SCAI: variants seen among roughly 807,000 people sequenced by gnomAD.
The protein encoded by SCAI is suppressor of cancer cell invasion, also known as protein SCAI.
A neutral mutation model predicts 92.2 loss-of-function variants in SCAI; 24 were observed. The ratio of observed to expected loss-of-function variants is 0.26; its 90% CI spans 0.19 to 0.37. SCAI has a LOEUF of 0.37. Ranked by LOEUF, SCAI falls within the 10% of genes least tolerant of loss-of-function variation. SCAI has a pLI of 1.00. For missense variants in SCAI, 450 were observed against 736.2 expected (o/e 0.61, Z 4.50); for synonymous variants, 261 against 258.6 (o/e 1.01, Z -0.09).
rs572939546 is a variant in SCAI, at chr9:124,948,360, C to G, written c.*4447G>C. The G allele has an allele frequency of 6.6e-6, 1 of 152,288 alleles. No homozygotes were observed. The highest frequency in any genetic ancestry group is 2.4e-5 in the African/African-American group (1 of 41,546). 9.4% of individuals were successfully genotyped at this position (152,288 alleles called of 1,614,324 possible). ...TGCTTTGAAAGGTTTGAGAGCACCA[C>G]TTTCTAAGAGAAACACACACATGCA... is the stretch of plus-strand genomic sequence containing the variant. On this transcript the variant is annotated 3_prime_UTR_variant, in exon 18 of 18. Transcript: ENST00000336505.
At chr9:125,003,796 T>C (rs1832414799) in intron 9 of SCAI, 1 of 488,334 alleles carries the variant, frequency 2.0e-6, no homozygotes. Context: ...GCATTTTTTA[T>C]ATTTGCTTTT....
chr9:125,044,231 A>C (rs1170299193), intron 3 of SCAI, among the ~76,000 whole-genome samples: 2 of 152,114 alleles, frequency 1.3e-5, no homozygotes, highest in African/African-American at 4.8e-5. Context: ...GTTCTGGTTG[A>C]AGTCCATGGC....
intron 14 of SCAI, among the ~76,000 whole-genome samples, chr9:124,988,035 AAC>A (rs144782993): frequency 0.035 from 5,258 of 149,398 alleles, 200 homozygotes; most frequent in Admixed American, 0.094. Context: ...TGTATCTATA[AAC>A]ACACACACAC....
intron 2 of SCAI, among the ~76,000 whole-genome samples, chr9:125,093,303 G>A (rs1834477718): frequency 6.6e-6 from 1 of 152,082 alleles, no homozygotes; most frequent in South Asian, 2.1e-4. Context: ...GAAGGCTGCA[G>A]TGAGCCAAGA....
Position 124,943,934 on chromosome 9 carries a change from T to C in SCAI, c.*8873A>G, listed in dbSNP as rs1342309761. The C allele has an allele frequency of 1.3e-5, 2 of 152,234 alleles. No homozygotes were observed. The highest frequency in any genetic ancestry group is 4.8e-5 in the African/African-American group (2 of 41,464). The allele number at this position is 152,234 out of a possible 1,614,324, so 9.4% of individuals were successfully genotyped here. A position where few individuals can be genotyped will look rare whatever the true frequency, so the allele number is the denominator to read the frequency against. ...CAATGATTAATGAAATCACTATTTA[T>C]ACTGGTGCTACACAACGAAGATAAC... On this transcript the variant is annotated 3_prime_UTR_variant, in exon 18 of 18. Transcript: ENST00000336505.
intron 2 of SCAI, among the ~76,000 whole-genome samples, chr9:125,138,549 G>A (rs1276533811): frequency 6.6e-6 from 1 of 152,034 alleles, no homozygotes. Flanking sequence ...TGAGTAGCTG[G>A]GACTACAGGC....
chr9:125,017,811 C>G (rs1832791665), intron 9 of SCAI, among the ~76,000 whole-genome samples: 1 of 151,948 alleles, frequency 6.6e-6, no homozygotes, highest in Non-Finnish European at 1.5e-5. Flanking sequence ...GAGTTCAAGA[C>G]CAGCCTGGCC....
intron 2 of SCAI, among the ~76,000 whole-genome samples, chr9:125,121,127 T>A (rs899187094): frequency 6.6e-6 from 1 of 151,708 alleles, no homozygotes; most frequent in East Asian, 1.9e-4. Flanking sequence ...ATTGTGCAAA[T>A]TTGTATTCAT....
intron 17 of SCAI, among the ~76,000 whole-genome samples, chr9:124,966,828 ATC>A (rs1160471903): frequency 6.7e-6 from 1 of 150,124 alleles, no homozygotes; most frequent in African/African-American, 2.5e-5. Flanking sequence ...GCCCAGGCTG[ATC>A]TCCAATTCCT....
At position 124,952,964 on chromosome 9, in the gene SCAI, A is replaced by G. The variant is rs1564354877; in HGVS notation, c.1675-11T>C. On this transcript the variant is annotated splice_polypyrimidine_tract_variant and intron_variant, in intron 17 of 17. Transcript: ENST00000336505. The stretch of plus-strand genomic sequence containing the variant: ...ATAATTTCGTGTTTCCTGGTAGGCA[A>G]AGAAGAGAAAAGTCAAGTTTTGTAG... The G allele has an allele frequency of 1.2e-6, 2 of 1,612,464 alleles. No individual in the cohort carries two copies. The highest frequency in any genetic ancestry group is 4.5e-5 in the East Asian group (2 of 44,820).
chr9:124,997,666 A>C (rs1228419147), intron 13 of SCAI, among the ~76,000 whole-genome samples: 1 of 152,084 alleles, frequency 6.6e-6, no homozygotes, highest in East Asian at 1.9e-4. Flanking sequence ...ACTTGAGGTC[A>C]GCATTTCAAG....
intron 2 of SCAI, among the ~76,000 whole-genome samples, chr9:125,057,990 T>A (rs776131987): frequency 4.6e-5 from 7 of 151,690 alleles, no homozygotes; most frequent in Non-Finnish European, 1.0e-4. Flanking sequence ...CCTCAGATAC[T>A]CAGGAGGCTG....
intron 2 of SCAI, among the ~76,000 whole-genome samples, chr9:125,126,589 T>TGTGTGTGTGA (rs10680873): frequency 4.0e-4 from 57 of 143,246 alleles, no homozygotes; most frequent in East Asian, 1.7e-3. Context: ...TGTGTGTGTG[T>TGTGTGTGTGA]GAGAGAGAGA....
chr9:125,007,110 C>T (rs1184627252), intron 9 of SCAI, among the ~76,000 whole-genome samples: 1 of 151,998 alleles, frequency 6.6e-6, no homozygotes. Context: ...CAGAGCAAGA[C>T]TGTCTCAAAA....
intron 17 of SCAI, among the ~76,000 whole-genome samples, chr9:124,954,405 G>A (rs1297485495): frequency 6.6e-6 from 1 of 152,154 alleles, no homozygotes; most frequent in Non-Finnish European, 1.5e-5. Flanking sequence ...TACAGTTAAA[G>A]CAATGCTTAA....
chr9:124,965,221 A>G (rs1278999584), intron 17 of SCAI, among the ~76,000 whole-genome samples: 1 of 151,960 alleles, frequency 6.6e-6, no homozygotes, highest in Non-Finnish European at 1.5e-5. Flanking sequence ...AAATCATAAT[A>G]TATGTCTTTT....
chr9:124,954,008 G>A (rs1379123614), intron 17 of SCAI, among the ~76,000 whole-genome samples: 5 of 152,154 alleles, frequency 3.3e-5, no homozygotes, highest in African/African-American at 7.2e-5. Flanking sequence ...ACAACCATGC[G>A]CAGCTAATTT....
chr9:125,127,604 G>A (rs1835304413), intron 2 of SCAI, among the ~76,000 whole-genome samples: 1 of 152,110 alleles, frequency 6.6e-6, no homozygotes, highest in Non-Finnish European at 1.5e-5. Flanking sequence ...ATTTCATGAG[G>A]TAAGATTCAT....
At chr9:125,102,703 T>C (rs1287686852) in intron 2 of SCAI, among the ~76,000 whole-genome samples, 1 of 152,098 alleles carries the variant, frequency 6.6e-6, no homozygotes. Context: ...GTTCACGCAA[T>C]TCTCCTGCCT....
Sources: allele counts gnomAD v4.1 joint callset (sites outside exome capture counted in the v4.1 genomes callset), GRCh38; gene constraint gnomAD v4.1.1; transcripts MANE v1.5; gene names NCBI Gene and HGNC (gene_info 2026-07-23, HGNC 2026-07-21).